Variants in NTM observed in about 807,000 individuals in gnomAD.
The protein encoded by NTM is IgLON family member 2.
A neutral mutation model predicts 42.1 loss-of-function variants in NTM; 13 were observed. The ratio of observed to expected loss-of-function variants is 0.31; its 90% CI spans 0.20 to 0.49. The LOEUF is 0.49. NTM is among the 20% of genes least tolerant of loss of function. The probability of loss-of-function intolerance (pLI) is 0.99; values close to 1 mark genes in which losing one functional copy is unlikely to be tolerated. For synonymous variants in NTM, 187 were observed against 179.2 expected (o/e 1.04, Z -0.35); for missense variants, 373 against 452.8 (o/e 0.82, Z 1.60).
At chr11:131,776,267 G>A (rs758446577) in intron 1 of NTM, among the ~76,000 whole-genome samples, 3 of 152,170 alleles carry the variant, frequency 2.0e-5, no homozygotes, top group Non-Finnish European at 4.4e-5. Context: ...CAACCTGTGC[G>A]ACTCCAAATT....
intron 1 of NTM, among the ~76,000 whole-genome samples, chr11:131,685,240 C>G (rs1244366438): frequency 3.3e-5 from 5 of 151,178 alleles, no homozygotes; most frequent in East Asian, 1.9e-4. Flanking sequence ...CTGCCCAACC[C>G]CAGTCAGTCC....
chr11:131,498,890 G>T (rs1382992351), intron 1 of NTM, among the ~76,000 whole-genome samples: 2 of 152,188 alleles, frequency 1.3e-5, no homozygotes, highest in African/African-American at 4.8e-5. Context: ...GGGGACTTCT[G>T]CCTGGCATTG....
At chr11:131,740,498 A>T (rs1163392758) in intron 1 of NTM, among the ~76,000 whole-genome samples, 1 of 152,228 alleles carries the variant, frequency 6.6e-6, no homozygotes, top group Non-Finnish European at 1.5e-5. Flanking sequence ...TAGGACACTA[A>T]TTAAACGATG....
intron 1 of NTM, among the ~76,000 whole-genome samples, chr11:131,524,975 G>A (rs886743707): frequency 6.6e-6 from 1 of 152,162 alleles, no homozygotes; most frequent in Non-Finnish European, 1.5e-5. Context: ...CTGCACACAG[G>A]AAACCTGGTA....
At chr11:131,619,872 T>C (rs1252723099) in intron 1 of NTM, among the ~76,000 whole-genome samples, 2 of 152,022 alleles carry the variant, frequency 1.3e-5, no homozygotes, top group African/African-American at 4.8e-5. Flanking sequence ...TAGCATGATC[T>C]TGGCTCACTG....
chr11:132,162,370 G>C (rs751901732), intron 3 of NTM, among the ~76,000 whole-genome samples: 1 of 149,368 alleles, frequency 6.7e-6, no homozygotes, highest in African/African-American at 2.5e-5. Context: ...GGGGGACTGC[G>C]TGAGTGTGTG....
intron 7 of NTM, among the ~76,000 whole-genome samples, chr11:132,321,000 G>C (rs564938093): frequency 4.7e-5 from 7 of 150,464 alleles, no homozygotes; most frequent in Non-Finnish European, 7.4e-5. Flanking sequence ...AAACAGAAAG[G>C]ACATCCACAC....
chr11:132,163,090 A>C (rs2074664969), intron 3 of NTM, among the ~76,000 whole-genome samples: 2 of 152,186 alleles, frequency 1.3e-5, no homozygotes, highest in African/African-American at 4.8e-5. Flanking sequence ...GCCCAGTGGA[A>C]GGAGCGTCTG....
At chr11:132,179,553 A>G (rs1162416427) in intron 3 of NTM, among the ~76,000 whole-genome samples, 2 of 152,202 alleles carry the variant, frequency 1.3e-5, no homozygotes, top group Non-Finnish European at 2.9e-5. Flanking sequence ...AGGAGTTTAC[A>G]TCCTGTGAAA....
At chr11:131,464,974 T>C (rs142475106) in intron 1 of NTM, among the ~76,000 whole-genome samples, 3 of 152,330 alleles carry the variant, frequency 2.0e-5, no homozygotes, top group African/African-American at 7.2e-5. Context: ...TTAAAGCCTT[T>C]GGAAAAATCA....
intron 1 of NTM, among the ~76,000 whole-genome samples, chr11:131,418,797 A>G (rs1005063766): frequency 9.2e-5 from 14 of 152,206 alleles, no homozygotes; most frequent in African/African-American, 3.4e-4. Context: ...ACAGATCACC[A>G]AGGTTTTGTC....
At chr11:131,599,122 C>T (rs2060230581) in intron 1 of NTM, among the ~76,000 whole-genome samples, 1 of 152,008 alleles carries the variant, frequency 6.6e-6, no homozygotes, top group Admixed American at 6.6e-5. Flanking sequence ...ACCTTGTTGG[C>T]CAGGCTGGTC....
intron 4 of NTM, among the ~76,000 whole-genome samples, chr11:132,220,977 A>G (rs2085034444): frequency 6.6e-6 from 1 of 152,170 alleles, no homozygotes; most frequent in Admixed American, 6.5e-5. Flanking sequence ...CCCACCGCCC[A>G]TCACAACCAG....
At chr11:131,559,776 C>T (rs553932290) in intron 1 of NTM, among the ~76,000 whole-genome samples, 5 of 152,338 alleles carry the variant, frequency 3.3e-5, no homozygotes, top group African/African-American at 1.2e-4. Context: ...TACCATCACA[C>T]CTATGACCCA....
At chr11:131,497,415 C>T (rs1955465060) in intron 1 of NTM, among the ~76,000 whole-genome samples, 1 of 152,140 alleles carries the variant, frequency 6.6e-6, no homozygotes, top group Non-Finnish European at 1.5e-5. Context: ...TCTTGAACTC[C>T]TGACCTCGTG....
At chr11:132,014,284 A>G (rs916734927) in intron 2 of NTM, among the ~76,000 whole-genome samples, 11 of 151,970 alleles carry the variant, frequency 7.2e-5, no homozygotes, top group Admixed American at 5.9e-4. Context: ...TTCTTTATCT[A>G]TTCATCAGTC....
rs148013363 is a variant in NTM at position 131,407,435 on chromosome 11, T to A, written c.82+36547T>A. Among the ~76,000 whole-genome samples the A allele has an allele frequency of 8.5e-5, 13 of 152,272 alleles. No homozygotes were observed. In the East Asian group the frequency reaches 2.5e-3, roughly 30 times the overall value. Reference sequence around the variant, plus strand: ...AATTGTGTAATATTTTATAGCAGCATCCAGTCTGCAGACTCAAAATCCCAG... The same window carrying A: ...AATTGTGTAATATTTTATAGCAGCAACCAGTCTGCAGACTCAAAATCCCAG... On this transcript the variant is annotated intron_variant, in intron 1 of 8. Transcript: ENST00000683400.
intron 1 of NTM, among the ~76,000 whole-genome samples, chr11:131,608,203 A>G (rs2061158485): frequency 1.3e-5 from 2 of 152,166 alleles, no homozygotes; most frequent in South Asian, 2.1e-4. Flanking sequence ...AGCTTCATCC[A>G]TGTCCCTGCA....
At chr11:131,813,841 C>CA (rs138733396) in intron 1 of NTM, among the ~76,000 whole-genome samples, 8,213 of 152,052 alleles carry the variant, frequency 0.054, 716 homozygotes, top group African/African-American at 0.19. Context: ...TCATCTTTAC[C>CA]ATCTCATAGT....
Sources: allele counts gnomAD v4.1 joint callset (sites outside exome capture counted in the v4.1 genomes callset), GRCh38; gene constraint gnomAD v4.1.1; transcripts MANE v1.5; gene names NCBI Gene and HGNC (gene_info 2026-07-23, HGNC 2026-07-21).